Variants in GTF2I observed in about 807,000 individuals in gnomAD.
The protein encoded by GTF2I is general transcription factor II-I.
In GTF2I, 12 loss-of-function variants were observed where a neutral mutation model predicts 67.6. The ratio of observed to expected loss-of-function variants is 0.18; its 90% CI spans 0.11 to 0.29. The LOEUF is 0.29. Among genes scored for constraint, GTF2I ranks in the 10% least tolerant of loss-of-function variants. The pLI is 1.00. For synonymous variants in GTF2I, 149 were observed against 197.0 expected (o/e 0.76, Z 2.04); for missense variants, 271 against 580.1 (o/e 0.47, Z 5.47).
At chr7:74,674,038 CAACT>C (rs1482078943) in intron 1 of GTF2I, among the ~76,000 whole-genome samples, 2 of 148,802 alleles carry the variant, frequency 1.3e-5, no homozygotes, top group Admixed American at 6.8e-5. Context: ...GTAAAATGTA[CAACT>C]AATATAAACC....
intron 1 of GTF2I, among the ~76,000 whole-genome samples, chr7:74,680,276 C>T (rs1379081745): frequency 6.6e-6 from 1 of 150,532 alleles, no homozygotes; most frequent in Non-Finnish European, 1.5e-5. Flanking sequence ...CTAGCACCTG[C>T]CCACTTGCCA....
intron 3 of GTF2I, among the ~76,000 whole-genome samples, chr7:74,696,953 G>C (rs1788982204): frequency 6.6e-6 from 1 of 152,120 alleles, no homozygotes; most frequent in African/African-American, 2.4e-5. Flanking sequence ...GCGTTGTTCA[G>C]CAGAAAAAAG....
At chr7:74,673,680 C>CTT (rs34307938) in intron 1 of GTF2I, among the ~76,000 whole-genome samples, 45 of 119,782 alleles carry the variant, frequency 3.8e-4, no homozygotes, top group South Asian at 1.1e-3. Flanking sequence ...CGCCCGGCCT[C>CTT]TTTTTTTTTT....
intron 5 of GTF2I, 62 bp from the exon 6 acceptor site, chr7:74,700,544 G>A: frequency 3.1e-6 from 5 of 1,599,126 alleles, no homozygotes; most frequent in East Asian, 4.5e-5. Context: ...TCATTTAAAT[G>A]TATGCTTTAC....
At chr7:74,735,675 T>G in intron 17 of GTF2I, 143 bp downstream of exon 17, 1 of 504,376 alleles carries the variant, frequency 2.0e-6, no homozygotes. Flanking sequence ...TTTGGGTTTT[T>G]TTTTTTTTCT....
chr7:74,690,872 A>G, intron 2 of GTF2I, 101 bp from the exon 3 acceptor site: 1 of 1,077,296 alleles, frequency 9.3e-7, no homozygotes, highest in South Asian at 1.4e-5. Context: ...CTTGAAAGAG[A>G]AGTACCTTTA....
intron 26 of GTF2I, among the ~76,000 whole-genome samples, chr7:74,750,392 A>G (rs1554409764): frequency 1.0e-5 from 1 of 97,544 alleles, no homozygotes; most frequent in East Asian, 1.2e-3. Flanking sequence ...AGATCGTGCC[A>G]TTGCACTCCA....
At chr7:74,681,302 G>A (rs1787247803) in intron 1 of GTF2I, among the ~76,000 whole-genome samples, 1 of 152,164 alleles carries the variant, frequency 6.6e-6, no homozygotes, top group Non-Finnish European at 1.5e-5. Flanking sequence ...GGGTTTGGTG[G>A]CAGGCACCTG....
chr7:74,743,325 AAAAAT>A, intron 19 of GTF2I, 119 bp from the exon 20 acceptor site: 1 of 253,662 alleles, frequency 3.9e-6, no homozygotes, highest in Non-Finnish European at 7.3e-6. Context: ...TCTGTCTCAA[AAAAAT>A]AAAACAAAAC....
chr7:74,719,059 A>G, intron 12 of GTF2I, 118 bp downstream of exon 12: 1 of 571,334 alleles, frequency 1.8e-6, no homozygotes, highest in Non-Finnish European at 3.0e-6. Context: ...TGGGACGAAT[A>G]CATGTGTCTG....
At chr7:74,715,032 G>A (rs1554403379) in intron 10 of GTF2I, 116 bp downstream of exon 10, 2 of 566,138 alleles carry the variant, frequency 3.5e-6, no homozygotes, top group South Asian at 5.1e-5. Context: ...AAATGGAAAA[G>A]GAAAAAAATG....
At chr7:74,659,134 G>A (rs1804236798) in intron 1 of GTF2I, among the ~76,000 whole-genome samples, 1 of 152,118 alleles carries the variant, frequency 6.6e-6, no homozygotes, top group South Asian at 2.1e-4. Context: ...TGTTGCCCAG[G>A]CTGGTCTTGA....
At chr7:74,665,364 G>A (rs1804883941) in intron 1 of GTF2I, among the ~76,000 whole-genome samples, 1 of 151,860 alleles carries the variant, frequency 6.6e-6, no homozygotes, top group Non-Finnish European at 1.5e-5. Context: ...TGATTCTTGT[G>A]CCTCAGCCTC....
chr7:74,662,729 G>T (rs1584056884), intron 1 of GTF2I, among the ~76,000 whole-genome samples: 1 of 151,744 alleles, frequency 6.6e-6, no homozygotes, highest in African/African-American at 2.4e-5. Flanking sequence ...TCATCATGCT[G>T]GCCAGGCTTG....
intron 3 of GTF2I, among the ~76,000 whole-genome samples, chr7:74,695,187 A>T (rs1321543727): frequency 6.6e-6 from 1 of 152,056 alleles, no homozygotes; most frequent in Non-Finnish European, 1.5e-5. Context: ...CTGGAGTGCA[A>T]TGGCGCGATC....
chr7:74,700,216 A>G (rs782306584), intron 4 of GTF2I, 31 bp from the exon 5 acceptor site: 6 of 1,603,618 alleles, frequency 3.7e-6, no homozygotes, highest in Non-Finnish European at 8.5e-7. Context: ...TTACCATTGA[A>G]TGATGTTCAT....
At chr7:74,669,385 T>C (rs973924392) in intron 1 of GTF2I, among the ~76,000 whole-genome samples, 3 of 151,504 alleles carry the variant, frequency 2.0e-5, no homozygotes, top group African/African-American at 7.3e-5. Flanking sequence ...TGCACCACAA[T>C]GTCTGGCTAA....
intron 1 of GTF2I, among the ~76,000 whole-genome samples, chr7:74,682,802 A>G (rs967228212): frequency 2.0e-5 from 3 of 152,330 alleles, no homozygotes; most frequent in Non-Finnish European, 4.4e-5. Context: ...CCAAAGAAAT[A>G]TGACAATCTT....
At chr7:74,672,297 G>A (rs750225786) in intron 1 of GTF2I, among the ~76,000 whole-genome samples, 4 of 152,020 alleles carry the variant, frequency 2.6e-5, no homozygotes, top group Non-Finnish European at 5.9e-5. Context: ...CCAGCACTTC[G>A]GGAGGCTGAG....
Sources: gnomAD v4.1 joint callset for allele counts (sites outside exome capture counted in the v4.1 genomes callset) on GRCh38, gnomAD v4.1.1 for gene constraint, MANE v1.5 for transcripts, NCBI Gene and HGNC (gene_info 2026-07-23, HGNC 2026-07-21) for gene names.